The following VAPB variants were observed in gnomAD, a reference collection of about 807,000 sequenced individuals.
VAPB encodes the protein vesicle-associated membrane protein-associated protein B/C.
A neutral mutation model predicts 25.6 loss-of-function variants in VAPB; 7 were observed. That is an observed-to-expected ratio of 0.27 (90% CI 0.16 to 0.51). VAPB has a LOEUF of 0.51. Ranked by LOEUF, VAPB falls within the 20% of genes least tolerant of loss-of-function variation. The pLI is 0.97. For synonymous variants in VAPB, 112 were observed against 109.2 expected, an observed-to-expected ratio of 1.03 and a Z score of -0.16; for missense variants, 266 against 301.3, an observed-to-expected ratio of 0.88 and a Z score of 0.87.
intron 2 of VAPB, among the ~76,000 whole-genome samples, chr20:58,421,058 C>A (rs1988657221): frequency 6.6e-6 from 1 of 152,146 alleles, no homozygotes; most frequent in Non-Finnish European, 1.5e-5. Flanking sequence ...ATGCACATGG[C>A]CAAGCTTGGT....
intron 5 of VAPB, among the ~76,000 whole-genome samples, chr20:58,443,158 T>C (rs77775482): frequency 1.3e-5 from 2 of 152,182 alleles, no homozygotes; most frequent in Admixed American, 6.5e-5. Context: ...TCCATGTAGT[T>C]TGGGGACAAG....
intron 1 of VAPB, among the ~76,000 whole-genome samples, chr20:58,415,747 G>A (rs78550036): frequency 1.8e-3 from 276 of 152,234 alleles, no homozygotes; most frequent in Middle Eastern, 0.01. Flanking sequence ...TAATGGAAAT[G>A]GCAGTTTTAT....
intron 1 of VAPB, among the ~76,000 whole-genome samples, chr20:58,393,225 C>G (rs1340955802): frequency 6.6e-6 from 1 of 152,094 alleles, no homozygotes. Flanking sequence ...AAGATAGAGT[C>G]TTGCCATGTT....
At position 58,450,778 on chromosome 20, in the gene VAPB, T is replaced by C. The variant is rs999422337; in HGVS notation, c.*6543T>C. ...ATGTCTTAGAATGCTTTAGTTTTCA[T>C]AATTTGTCCTTTATGTATTTTTCAT... On this transcript the variant is annotated 3_prime_UTR_variant, in exon 6 of 6. Transcript: ENST00000475243. 1 of 454,100 alleles carries C rather than the reference T, an allele frequency of 2.2e-6. No homozygotes were observed. Among genetic ancestry groups the C allele is most frequent in the East Asian group, 6.9e-5 (1 of 14,402 alleles). The allele number at this position is 454,100 out of a possible 1,614,324, so 28.1% of individuals were successfully genotyped here. A position where few individuals can be genotyped will look rare whatever the true frequency, so the allele number is the denominator to read the frequency against.
At chr20:58,416,884 C>T (rs941411903) in intron 1 of VAPB, among the ~76,000 whole-genome samples, 8 of 151,948 alleles carry the variant, frequency 5.3e-5, no homozygotes, top group African/African-American at 1.9e-4. Flanking sequence ...AGATTGAGAT[C>T]TTTATTCTAT....
In VAPB at chr20:58,399,713, CAA is replaced by C. The variant is rs11315321; in HGVS notation, c.58+10214_58+10215del. Among the ~76,000 whole-genome samples, 751 of 128,338 alleles carry C rather than the reference CAA, an allele frequency of 5.9e-3. 7 individuals carry two copies. The highest frequency in any genetic ancestry group is 0.024 in the East Asian group (101 of 4,176). 84.2% of individuals were successfully genotyped at this position (128,338 alleles called of 152,430 possible). ...GCCTGGGCTGAGAGTGAGACCGTCT[CAA>C]AAAAAAAAAAAAAAAAATCCTTCTA... is the stretch of plus-strand genomic sequence containing the variant. On this transcript the variant is annotated intron_variant, in intron 1 of 5. Transcript: ENST00000475243.
At chr20:58,420,172 A>G (rs370271652) in intron 2 of VAPB, among the ~76,000 whole-genome samples, 33 of 152,192 alleles carry the variant, frequency 2.2e-4, no homozygotes, top group African/African-American at 6.3e-4. Flanking sequence ...TTTAGTAGAG[A>G]CAGGGTTTCA....
rs1207168967 is a variant in VAPB, at chr20:58,448,050, A to G, written c.*3815A>G. ...TGGCCTGAAGAAGGAGAAAGAACCA[A>G]ACTGAACTATGAAAAGTTACCACTC... On this transcript the variant is annotated 3_prime_UTR_variant, in exon 6 of 6. Transcript: ENST00000475243. 2.2e-6 allele frequency: 1 copy of G among 454,002 alleles called. No individual in the cohort carries two copies. Among genetic ancestry groups the G allele is most frequent in the South Asian group, 1.6e-5 (1 of 64,456 alleles). 28.1% of individuals were successfully genotyped at this position (454,002 alleles called of 1,614,324 possible).
In VAPB at chr20:58,445,351, G is replaced by C. The variant is rs1430678010; in HGVS notation, c.*1116G>C. 2.2e-6 allele frequency: 1 copy of C among 454,554 alleles called. No homozygotes were observed. Among genetic ancestry groups the C allele is most frequent in the Non-Finnish European group, 4.4e-6 (1 of 226,806 alleles). The allele number at this position is 454,554 out of a possible 1,614,324, so 28.2% of individuals were successfully genotyped here. ...AGCCTGGAGTCAGGACAAATGGATC[G>C]GGCTGCAGAGGGTTAGAAGCGAGGG... On this transcript the variant is annotated 3_prime_UTR_variant, in exon 6 of 6. Coordinates refer to ENST00000475243, the MANE Select transcript of VAPB (RefSeq NM_004738.5).
intron 2 of VAPB, among the ~76,000 whole-genome samples, chr20:58,425,471 C>G (rs1180422037): frequency 6.6e-6 from 1 of 152,226 alleles, no homozygotes; most frequent in African/African-American, 2.4e-5. Context: ...GCAAAAAATG[C>G]AAATTAGCAC....
At chr20:58,417,909 C>G (rs1238532627) in intron 1 of VAPB, among the ~76,000 whole-genome samples, 1 of 152,160 alleles carries the variant, frequency 6.6e-6, no homozygotes, top group African/African-American at 2.4e-5. Flanking sequence ...AGTAACTTGT[C>G]TCCCCAAGCC....
At chr20:58,389,828 C>T (rs536374154) in intron 1 of VAPB, among the ~76,000 whole-genome samples, 3 of 152,234 alleles carry the variant, frequency 2.0e-5, no homozygotes, top group African/African-American at 7.2e-5. Flanking sequence ...CTAGTGTGAG[C>T]CTCCGCCGCT....
At chr20:58,420,034 G>T (rs1988636570) in intron 2 of VAPB, among the ~76,000 whole-genome samples, 1 of 151,878 alleles carries the variant, frequency 6.6e-6, no homozygotes, top group Non-Finnish European at 1.5e-5. Context: ...CGCCCAGGCT[G>T]GAGTGCAGTG....
Position 58,447,385 on chromosome 20 carries a change from C to G in VAPB, c.*3150C>G, listed in dbSNP as rs1455018843. On this transcript the variant is annotated 3_prime_UTR_variant, in exon 6 of 6. Transcript: ENST00000475243. ...TGAACTGCTGGCACCAGCAGTAATA[C>G]ATACTGATAAAATCAAAATTGATTT... 6.6e-6 allele frequency: 3 copies of G among 454,108 alleles called. No homozygotes were observed. In the Admixed American group the frequency reaches 7.0e-5, roughly 11 times the overall value. The allele number at this position is 454,108 out of a possible 1,614,324, so 28.1% of individuals were successfully genotyped here.
chr20:58,418,042 C>T lies in VAPB; in HGVS notation c.59-169C>T, dbSNP rs540377639. On this transcript the variant is annotated intron_variant, in intron 1 of 5. Coordinates refer to ENST00000475243, the MANE Select transcript of VAPB (RefSeq NM_004738.5). ...TAGTGGGAACATGGTAAATATTAGA[C>T]GTTACTGCTAGTGCATTAACCTCAG... Among the ~76,000 whole-genome samples the T allele has an allele frequency of 5.2e-4, 79 of 152,326 alleles. 3 individuals are homozygous for T. The South Asian group carries it at 0.015, about 28-fold the overall frequency.
At chr20:58,401,681 T>G (rs1280345153) in intron 1 of VAPB, among the ~76,000 whole-genome samples, 3 of 152,174 alleles carry the variant, frequency 2.0e-5, no homozygotes, top group Non-Finnish European at 4.4e-5. Context: ...TCAGATTTGC[T>G]CTCTCTGTGT....
chr20:58,426,108 C>T (rs1988777181), intron 2 of VAPB, among the ~76,000 whole-genome samples: 1 of 152,132 alleles, frequency 6.6e-6, no homozygotes. Flanking sequence ...GTTGGCCAGG[C>T]TGGCCTCAAA....
At chr20:58,394,583 A>G (rs889798207) in intron 1 of VAPB, among the ~76,000 whole-genome samples, 1 of 152,260 alleles carries the variant, frequency 6.6e-6, no homozygotes, top group Non-Finnish European at 1.5e-5. Context: ...TGCTTATCAA[A>G]AGCGGCATTA....
intron 5 of VAPB, among the ~76,000 whole-genome samples, chr20:58,441,574 G>A (rs555295373): frequency 8.5e-5 from 13 of 152,262 alleles, no homozygotes; most frequent in Admixed American, 5.2e-4. Context: ...CCCAGGAGGC[G>A]GAGGTTGCAG....
Sources: gnomAD v4.1 joint callset for allele counts (sites outside exome capture counted in the v4.1 genomes callset) on GRCh38, gnomAD v4.1.1 for gene constraint, MANE v1.5 for transcripts, NCBI Gene and HGNC (gene_info 2026-07-23, HGNC 2026-07-21) for gene names.